The following SCD5 variants were observed in gnomAD, a reference collection of about 807,000 sequenced individuals.
The protein encoded by SCD5 is acyl-CoA-desaturase 4.
Under a neutral mutation model 30.4 loss-of-function variants are expected in SCD5, and 20 were observed. The observed-to-expected ratio is 0.66, with a 90% CI of 0.46 to 0.96. The LOEUF (loss-of-function observed/expected upper bound fraction) is 0.96, where lower values mean the gene tolerates loss of function less well. SCD5 is among the 40% of genes least tolerant of loss of function. SCD5 has a pLI of 0.00. For synonymous variants in SCD5, 173 were observed against 176.4 expected (o/e 0.98, Z 0.16); for missense variants, 381 against 443.3 (o/e 0.86, Z 1.26).
intron 1 of SCD5, among the ~76,000 whole-genome samples, chr4:82,776,737 A>T (rs1721752448): frequency 6.6e-6 from 1 of 152,216 alleles, no homozygotes; most frequent in African/African-American, 2.4e-5. Flanking sequence ...GAAGTTCCAT[A>T]AAGTATGGAG....
At chr4:82,788,352 G>T (rs899471771) in intron 1 of SCD5, among the ~76,000 whole-genome samples, 2 of 152,114 alleles carry the variant, frequency 1.3e-5, no homozygotes, top group African/African-American at 4.8e-5. Context: ...CCAATGACTG[G>T]TTTACCAAGG....
chr4:82,683,964 T>C (rs1728635935), intron 2 of SCD5, among the ~76,000 whole-genome samples: 1 of 152,244 alleles, frequency 6.6e-6, no homozygotes. Flanking sequence ...TTTATGGCAA[T>C]GTGATAATGA....
chr4:82,760,624 T>C (rs554917216), intron 1 of SCD5, among the ~76,000 whole-genome samples: 1 of 151,978 alleles, frequency 6.6e-6, no homozygotes, highest in African/African-American at 2.4e-5. Flanking sequence ...CTAACTCACT[T>C]GTTTTCAAGA....
At chr4:82,776,230 C>T (rs1721741770) in intron 1 of SCD5, 1 of 152,166 alleles carries the variant, frequency 6.6e-6, no homozygotes, top group Admixed American at 6.5e-5. Context: ...GTCTGTTAGA[C>T]CAAGTGCTCT....
At chr4:82,711,170 G>GT (rs774691532) in intron 1 of SCD5, among the ~76,000 whole-genome samples, 3 of 151,556 alleles carry the variant, frequency 2.0e-5, no homozygotes, top group Non-Finnish European at 4.4e-5. Context: ...GCCATGCTCT[G>GT]TTTCTGAAAA....
intron 1 of SCD5, among the ~76,000 whole-genome samples, chr4:82,793,580 G>C (rs546895906): frequency 2.0e-5 from 3 of 152,092 alleles, no homozygotes; most frequent in Non-Finnish European, 4.4e-5. Context: ...TTGCGCTGCC[G>C]GAAGACTTTT....
chr4:82,639,724 G>A (rs1279344616), intron 3 of SCD5, among the ~76,000 whole-genome samples: 1 of 152,206 alleles, frequency 6.6e-6, no homozygotes, highest in African/African-American at 2.4e-5. Flanking sequence ...CAGAGCCTTG[G>A]CTCTGCTACT....
chr4:82,720,673 A>G (rs6535395), intron 1 of SCD5, among the ~76,000 whole-genome samples: 90,015 of 151,892 alleles, frequency 0.59, 28,546 homozygotes, highest in African/African-American at 0.83. Context: ...CCAGGTACTC[A>G]TTCCCCAACT....
chr4:82,649,187 G>C (rs1192037224), intron 3 of SCD5, among the ~76,000 whole-genome samples: 49 of 22,896 alleles, frequency 2.1e-3, no homozygotes, highest in African/African-American at 5.9e-3. Context: ...AGGGGTGTGT[G>C]TGTGTGTGTG....
intron 3 of SCD5, among the ~76,000 whole-genome samples, chr4:82,678,870 G>GA (rs1414463375): frequency 1.2e-4 from 18 of 152,168 alleles, no homozygotes; most frequent in Middle Eastern, 6.8e-3. Context: ...CACTCATAGT[G>GA]AAAATCAACG....
At chr4:82,720,790 T>C (rs552874235) in intron 1 of SCD5, among the ~76,000 whole-genome samples, 1 of 152,330 alleles carries the variant, frequency 6.6e-6, no homozygotes, top group South Asian at 2.1e-4. Flanking sequence ...GGCAGCAGCC[T>C]GCATTCAATG....
intron 3 of SCD5, among the ~76,000 whole-genome samples, chr4:82,667,492 T>C (rs1353358565): frequency 6.6e-6 from 1 of 152,246 alleles, no homozygotes; most frequent in Non-Finnish European, 1.5e-5. Context: ...GTAACCTCAA[T>C]GTTGAATCAT....
chr4:82,798,280 G>A, intron 1 of SCD5, 26 bp downstream of exon 1: 1 of 1,547,398 alleles, frequency 6.5e-7, no homozygotes, highest in Non-Finnish European at 8.7e-7. Context: ...GGAGGCCGGG[G>A]CGCAGGGGGC....
chr4:82,639,608 G>A (rs1355244408), intron 3 of SCD5, among the ~76,000 whole-genome samples: 2 of 152,240 alleles, frequency 1.3e-5, no homozygotes, highest in Admixed American at 1.3e-4. Context: ...CATCTGAAGA[G>A]GACGTCTGTG....
chr4:82,666,058 T>C (rs1330428821), intron 3 of SCD5, among the ~76,000 whole-genome samples: 1 of 152,192 alleles, frequency 6.6e-6, no homozygotes, highest in Non-Finnish European at 1.5e-5. Flanking sequence ...TATACAGATT[T>C]CAAGAGCTGC....
intron 3 of SCD5, among the ~76,000 whole-genome samples, chr4:82,662,248 G>T (rs1322359411): frequency 6.6e-6 from 1 of 151,952 alleles, no homozygotes. Flanking sequence ...GTAGAGACAG[G>T]ATCTATGTTG....
chr4:82,781,324 G>C (rs1721867368), intron 1 of SCD5, among the ~76,000 whole-genome samples: 1 of 151,980 alleles, frequency 6.6e-6, no homozygotes, highest in Admixed American at 6.6e-5. Context: ...GCTGAGGCAG[G>C]AGAATAGCTT....
intron 1 of SCD5, among the ~76,000 whole-genome samples, chr4:82,735,950 T>A (rs1161850780): frequency 6.6e-6 from 1 of 152,238 alleles, no homozygotes; most frequent in Non-Finnish European, 1.5e-5. Flanking sequence ...GGACTTACTG[T>A]ATTTTATATC....
At chr4:82,695,959 T>G (rs1037996620) in intron 2 of SCD5, among the ~76,000 whole-genome samples, 2 of 152,226 alleles carry the variant, frequency 1.3e-5, no homozygotes, top group Non-Finnish European at 2.9e-5. Flanking sequence ...TATAAGAGTC[T>G]TTATTGCACA....
Sources: gnomAD v4.1 joint callset for allele counts (sites outside exome capture counted in the v4.1 genomes callset) on GRCh38, gnomAD v4.1.1 for gene constraint, MANE v1.5 for transcripts, NCBI Gene and HGNC (gene_info 2026-07-23, HGNC 2026-07-21) for gene names.